GRM7: variants seen among roughly 807,000 people sequenced by gnomAD.
GRM7 encodes the protein glutamate metabotropic receptor 7.
A neutral mutation model predicts 84.5 loss-of-function variants in GRM7; 35 were observed. That is an observed-to-expected ratio of 0.41 (90% CI 0.32 to 0.55). The LOEUF (loss-of-function observed/expected upper bound fraction) is 0.55, where lower values mean the gene tolerates loss of function less well. Ranked by LOEUF, GRM7 falls within the 20% of genes least tolerant of loss-of-function variation. GRM7 has a pLI of 0.19. For synonymous variants in GRM7, 487 were observed against 455.1 expected, an observed-to-expected ratio of 1.07 and a Z score of -0.89; for missense variants, 1,003 against 1,194.6, an observed-to-expected ratio of 0.84 and a Z score of 2.36.
At chr3:7,061,486 C>A (rs1469609235) in intron 1 of GRM7, among the ~76,000 whole-genome samples, 1 of 151,600 alleles carries the variant, frequency 6.6e-6, no homozygotes, top group Non-Finnish European at 1.5e-5. Context: ...GTGTTCAAAC[C>A]CGGAGTTGAC....
chr3:7,307,706 A>G (rs935500029), intron 4 of GRM7, among the ~76,000 whole-genome samples: 6 of 152,218 alleles, frequency 3.9e-5, no homozygotes, highest in Middle Eastern at 3.2e-3. Flanking sequence ...AAGATTGCCT[A>G]TCTTACAACC....
At chr3:6,989,887 A>G (rs1694568758) in intron 1 of GRM7, among the ~76,000 whole-genome samples, 1 of 152,242 alleles carries the variant, frequency 6.6e-6, no homozygotes, top group African/African-American at 2.4e-5. Flanking sequence ...TCTCTCTACT[A>G]TGTGCTAATG....
At chr3:7,636,119 C>G (rs373984068) in intron 8 of GRM7, 1 of 413,368 alleles carries the variant, frequency 2.4e-6, no homozygotes, top group Non-Finnish European at 4.9e-6. Context: ...TGAATTCTAC[C>G]TAGAGGTTGT....
chr3:7,057,838 A>G (rs1415520275), intron 1 of GRM7, among the ~76,000 whole-genome samples: 2 of 151,920 alleles, frequency 1.3e-5, no homozygotes, highest in East Asian at 1.9e-4. Flanking sequence ...CTCTATCTCT[A>G]TTGTTTATTT....
rs766616874 is a variant in GRM7 at position 7,306,704 on chromosome 3, T to C, written c.1033+52T>C. ...GCTGAGAGAAGTTCTGGTGCCATGC[T>C]GAATGGCCAAGCATGTGACTTTTTA... is the stretch of plus-strand genomic sequence containing the variant. On this transcript the variant is annotated intron_variant, in intron 4 of 9. Coordinates refer to ENST00000357716, the MANE Select transcript of GRM7 (RefSeq NM_000844.4). The C allele has an allele frequency of 2.8e-6, 4 of 1,451,832 alleles. No individual in the cohort carries two copies. The African/African-American group carries it at 4.3e-5, about 16-fold the overall frequency. The allele number at this position is 1,451,832 out of a possible 1,614,324, so 89.9% of individuals were successfully genotyped here. A position where few individuals can be genotyped will look rare whatever the true frequency, so the allele number is the denominator to read the frequency against.
intron 4 of GRM7, among the ~76,000 whole-genome samples, chr3:7,344,834 G>A (rs923644558): frequency 2.0e-5 from 3 of 151,992 alleles, no homozygotes; most frequent in African/African-American, 4.8e-5. Flanking sequence ...TAGAGAGGAG[G>A]AACAAGTTCT....
chr3:7,233,388 G>C (rs184969173), intron 2 of GRM7, among the ~76,000 whole-genome samples: 5 of 152,192 alleles, frequency 3.3e-5, no homozygotes, highest in Admixed American at 3.3e-4. Flanking sequence ...CTCTAATAGA[G>C]TGGGAAATAA....
At chr3:7,662,063 C>T (rs1372903083) in intron 8 of GRM7, among the ~76,000 whole-genome samples, 2 of 151,874 alleles carry the variant, frequency 1.3e-5, no homozygotes, top group Non-Finnish European at 2.9e-5. Context: ...GAAAACTACC[C>T]AGCAATAGAA....
At chr3:7,076,326 G>C (rs1253039057) in intron 1 of GRM7, among the ~76,000 whole-genome samples, 1 of 152,142 alleles carries the variant, frequency 6.6e-6, no homozygotes, top group South Asian at 2.1e-4. Flanking sequence ...AATCCCAATT[G>C]TAATTCCCAC....
intron 2 of GRM7, among the ~76,000 whole-genome samples, chr3:7,287,950 C>T (rs980380940): frequency 6.6e-6 from 1 of 152,100 alleles, no homozygotes; most frequent in Non-Finnish European, 1.5e-5. Flanking sequence ...TCAATGAAGA[C>T]TAATCAGGTT....
At chr3:7,578,348 G>A in intron 7 of GRM7, 74 bp from the exon 8 acceptor site, 1 of 972,170 alleles carries the variant, frequency 1.0e-6, no homozygotes, top group Non-Finnish European at 1.6e-6. Flanking sequence ...CATGAGTACT[G>A]TTTGCTGCTG....
chr3:7,473,531 A>AGAGAGAGAGAGAGAGAGAGAGAGAG (rs56720815), intron 7 of GRM7, among the ~76,000 whole-genome samples: 12 of 146,908 alleles, frequency 8.2e-5, no homozygotes, highest in Non-Finnish European at 1.4e-4. Flanking sequence ...AGAGAGAGAG[A>AGAGAGAGAGAGAGAGAGAGAGAGAG]AACACCTTGA....
At chr3:7,361,284 ACCTCTAC>A (rs1460553001) in intron 4 of GRM7, among the ~76,000 whole-genome samples, 2 of 152,008 alleles carry the variant, frequency 1.3e-5, no homozygotes. Context: ...ATCTGTAGTC[ACCTCTAC>A]CCTATGCATT....
At position 7,047,213 on chromosome 3, in the gene GRM7, T is replaced by C. The variant is rs542952255; in HGVS notation, c.520-99239T>C. ...CTGCTTTTGCTCTACAGTGACAGAATTGAGCTGTTGTAATGCAGACTGTAT... is the reference window on the plus strand; with the variant it reads ...CTGCTTTTGCTCTACAGTGACAGAACTGAGCTGTTGTAATGCAGACTGTAT... On this transcript the variant is annotated intron_variant, in intron 1 of 9. Coordinates refer to ENST00000357716, the MANE Select transcript of GRM7 (RefSeq NM_000844.4). Among the ~76,000 whole-genome samples, 5 of 152,120 alleles carry C rather than the reference T, an allele frequency of 3.3e-5. No individual in the cohort carries two copies. The East Asian group carries it at 9.7e-4, about 29-fold the overall frequency.
chr3:6,934,169 A>T (rs1185645343), intron 1 of GRM7, among the ~76,000 whole-genome samples: 3 of 152,196 alleles, frequency 2.0e-5, no homozygotes, highest in Non-Finnish European at 4.4e-5. Context: ...TTATTCATCC[A>T]TTCACTAGGG....
intron 1 of GRM7, among the ~76,000 whole-genome samples, chr3:6,921,185 C>T (rs915693948): frequency 6.6e-6 from 1 of 152,176 alleles, no homozygotes; most frequent in Admixed American, 6.5e-5. Context: ...ACAAAAGCTG[C>T]CGAGAGGCAA....
In GRM7 at chr3:6,938,475, T is replaced by A. The variant is rs144509250; in HGVS notation, c.519+76568T>A. ...TACAGTCCGGTAAAATTGAGAAAGA[T>A]GTGCTGGCTTGACAAATATATCTTG... is the stretch of plus-strand genomic sequence containing the variant. On this transcript the variant is annotated intron_variant, in intron 1 of 9. Transcript: ENST00000357716. Among the ~76,000 whole-genome samples, 875 of 152,316 alleles carry A rather than the reference T, an allele frequency of 5.7e-3. 5 individuals carry two copies. Among genetic ancestry groups the A allele is most frequent in the Middle Eastern group, 0.01 (3 of 294 alleles).
At chr3:7,007,157 C>A (rs1346741257) in intron 1 of GRM7, among the ~76,000 whole-genome samples, 1 of 152,086 alleles carries the variant, frequency 6.6e-6, no homozygotes, top group Non-Finnish European at 1.5e-5. Flanking sequence ...CAGGATGAGG[C>A]AGGGGCCCTA....
chr3:7,651,030 A>C (rs1358385567), intron 8 of GRM7, among the ~76,000 whole-genome samples: 1 of 130,308 alleles, frequency 7.7e-6, no homozygotes, highest in Non-Finnish European at 1.8e-5. Flanking sequence ...AATTGTGGGG[A>C]AAGAAGGCAG....
Sources: gnomAD v4.1 joint callset for allele counts (sites outside exome capture counted in the v4.1 genomes callset) on GRCh38, gnomAD v4.1.1 for gene constraint, MANE v1.5 for transcripts, NCBI Gene and HGNC (gene_info 2026-07-23, HGNC 2026-07-21) for gene names.